Variants in CORO2B observed in about 807,000 individuals in gnomAD.
The protein encoded by CORO2B is coronin-2B.
A neutral mutation model predicts 58.8 loss-of-function variants in CORO2B; 26 were observed. The observed-to-expected ratio is 0.44, with a 90% CI of 0.32 to 0.61. The LOEUF is 0.61. Among genes scored for constraint, CORO2B ranks in the 20% least tolerant of loss-of-function variants. The pLI, the probability that CORO2B is intolerant of heterozygous loss-of-function variation, is 0.04. For missense variants in CORO2B, 460 were observed against 645.1 expected (o/e 0.71, Z 3.11); for synonymous variants, 242 against 253.8 (o/e 0.95, Z 0.44).
upstream of CORO2B, among the ~76,000 whole-genome samples, chr15:68,576,173 A>AAAAGAAAG (rs1555409379): frequency 0.038 from 3,940 of 102,406 alleles, 292 homozygotes; most frequent in African/African-American, 0.088. Flanking sequence ...AAAAAAAAAA[A>AAAAGAAAG]AAAGAAAGAA....
the CORO2B span, among the ~76,000 whole-genome samples, chr15:68,532,292 A>G: frequency 1.3e-5 from 2 of 151,784 alleles, no homozygotes; most frequent in Admixed American, 6.6e-5. Context: ...TATGTATTAG[A>G]CTGTTTGGTG....
In CORO2B at chr15:68,695,127, T is replaced by C. The variant is rs751137909; in HGVS notation, c.217-13T>C. Reference sequence around the variant, plus strand: ...CTAATCTCCTTCTCTCTCTCTCTCTTTCTCCTCTGCAGACAGGCAGGATTG... The same window carrying C: ...CTAATCTCCTTCTCTCTCTCTCTCTCTCTCCTCTGCAGACAGGCAGGATTG... On this transcript the variant is annotated splice_polypyrimidine_tract_variant and intron_variant, in intron 2 of 11. Coordinates refer to ENST00000261861, the MANE Select transcript of CORO2B (RefSeq NM_006091.5). 6.9e-6 allele frequency: 11 copies of C among 1,599,734 alleles called. No homozygotes were observed. The highest frequency in any genetic ancestry group is 9.4e-6 in the Non-Finnish European group (11 of 1,167,380).
At chr15:68,716,835 C>T (rs866146121) in intron 8 of CORO2B, among the ~76,000 whole-genome samples, 1 of 149,552 alleles carries the variant, frequency 6.7e-6, no homozygotes, top group Non-Finnish European at 1.5e-5. Context: ...TGTGATGTAG[C>T]AGGAGATGGG....
At chr15:68,667,621 C>T (rs778878540) in intron 2 of CORO2B, among the ~76,000 whole-genome samples, 5 of 152,326 alleles carry the variant, frequency 3.3e-5, no homozygotes, top group South Asian at 2.1e-4. Flanking sequence ...AGGAGTGGGA[C>T]GGGTGAGGCC....
intron 3 of CORO2B, among the ~76,000 whole-genome samples, chr15:68,702,231 C>T (rs189774857): frequency 9.8e-4 from 149 of 152,254 alleles, no homozygotes; most frequent in African/African-American, 3.4e-3. Flanking sequence ...GCTGTGACAC[C>T]TGGGCAAGTT....
At chr15:68,567,605 G>C in the CORO2B span, among the ~76,000 whole-genome samples, 2 of 152,198 alleles carry the variant, frequency 1.3e-5, no homozygotes, top group African/African-American at 4.8e-5. Context: ...GGAAGAGACA[G>C]GTCAGCTCGC....
the CORO2B span, among the ~76,000 whole-genome samples, chr15:68,548,489 A>AATTGAACACT: frequency 6.6e-6 from 1 of 152,306 alleles, no homozygotes; most frequent in African/African-American, 2.4e-5. Flanking sequence ...AGTTGGGAAG[A>AATTGAACACT]ATTGAACACT....
At chr15:68,555,494 G>A in the CORO2B span, among the ~76,000 whole-genome samples, 1 of 152,176 alleles carries the variant, frequency 6.6e-6, no homozygotes, top group Non-Finnish European at 1.5e-5. Context: ...GGGCTGGGCA[G>A]GGGGGAGAGA....
rs1595948584 is a variant in CORO2B at position 68,579,142 on chromosome 15, C to T, written c.-121C>T. 1 of 981,516 alleles carries T rather than the reference C, an allele frequency of 1.0e-6. No individual in the cohort carries two copies. The highest frequency in any genetic ancestry group is 1.2e-4 in the East Asian group (1 of 8,678). The allele number at this position is 981,516 out of a possible 1,614,324, so 60.8% of individuals were successfully genotyped here. ...GCGCAGCCCCCAGGCTCGGCCGAGC[C>T]GCCGGCGGGGCGCGGGGAGCGAGCC... is the stretch of plus-strand genomic sequence containing the variant. On this transcript the variant is annotated 5_prime_UTR_variant, in exon 1 of 12. Transcript: ENST00000261861.
chr15:68,550,095 G>A, the CORO2B span, among the ~76,000 whole-genome samples: 12 of 152,126 alleles, frequency 7.9e-5, no homozygotes, highest in Middle Eastern at 3.4e-3. Flanking sequence ...CCAAACCTGC[G>A]GAAGGTGGAA....
intron 1 of CORO2B, among the ~76,000 whole-genome samples, chr15:68,621,515 C>T (rs1324147535): frequency 6.6e-6 from 1 of 152,190 alleles, no homozygotes; most frequent in Non-Finnish European, 1.5e-5. Context: ...CCACACTGGC[C>T]TGAACTGGAG....
At chr15:68,722,271 G>A (rs1198277943) in intron 11 of CORO2B, among the ~76,000 whole-genome samples, 3 of 151,586 alleles carry the variant, frequency 2.0e-5, no homozygotes, top group African/African-American at 4.8e-5. Flanking sequence ...GGGTCTCAGA[G>A]CAGACAAAAC....
chr15:68,532,670 C>A, the CORO2B span, among the ~76,000 whole-genome samples: 152 of 152,234 alleles, frequency 1.0e-3, no homozygotes, highest in African/African-American at 3.6e-3. Context: ...TATCCTGATT[C>A]TTGGCATGTC....
At chr15:68,639,080 C>T (rs1351927190) in intron 1 of CORO2B, among the ~76,000 whole-genome samples, 2 of 152,200 alleles carry the variant, frequency 1.3e-5, no homozygotes, top group Non-Finnish European at 1.5e-5. Flanking sequence ...ACCAGACCCT[C>T]ATCCTGTGGG....
At chr15:68,696,397 A>T (rs568612133) in intron 3 of CORO2B, among the ~76,000 whole-genome samples, 11 of 151,894 alleles carry the variant, frequency 7.2e-5, no homozygotes, top group African/African-American at 2.4e-4. Flanking sequence ...AAAAAGATAA[A>T]AATTAGCCAG....
chr15:68,723,441 TTTG>T (rs761949121), intron 11 of CORO2B, among the ~76,000 whole-genome samples: 4 of 151,838 alleles, frequency 2.6e-5, no homozygotes, highest in South Asian at 2.1e-4. Flanking sequence ...ATTTGGTTTC[TTTG>T]TTGTTGTTGT....
intron 1 of CORO2B, among the ~76,000 whole-genome samples, chr15:68,591,088 TGCAGGACTCA>T (rs1384404622): frequency 1.3e-5 from 2 of 152,216 alleles, no homozygotes; most frequent in African/African-American, 4.8e-5. Flanking sequence ...GGACACAGGC[TGCAGGACTCA>T]GAAGGACACA....
At chr15:68,697,366 T>A (rs775252580) in intron 3 of CORO2B, among the ~76,000 whole-genome samples, 1 of 152,130 alleles carries the variant, frequency 6.6e-6, no homozygotes, top group Non-Finnish European at 1.5e-5. Context: ...GGTAGATGGA[T>A]GAATGAAAGA....
At chr15:68,633,469 C>T (rs554002783) in intron 1 of CORO2B, among the ~76,000 whole-genome samples, 2 of 150,754 alleles carry the variant, frequency 1.3e-5, no homozygotes, top group African/African-American at 4.9e-5. Flanking sequence ...TGGTGAGGCC[C>T]CTTGAATTGT....
Sources: gnomAD v4.1 joint callset for allele counts (sites outside exome capture counted in the v4.1 genomes callset) on GRCh38, gnomAD v4.1.1 for gene constraint, MANE v1.5 for transcripts, NCBI Gene and HGNC (gene_info 2026-07-23, HGNC 2026-07-21) for gene names.